CELF1: variants seen among roughly 807,000 people sequenced by gnomAD.
The protein encoded by CELF1 is 50 kDa nuclear polyadenylated RNA-binding protein.
Under a neutral mutation model 61.8 loss-of-function variants are expected in CELF1, and 10 were observed. That is an observed-to-expected ratio of 0.16 (90% CI 0.10 to 0.27). The LOEUF is 0.27. Ranked by LOEUF, CELF1 falls within the 10% of genes least tolerant of loss-of-function variation. CELF1 has a pLI of 1.00. For synonymous variants in CELF1, 236 were observed against 225.1 expected (o/e 1.05, Z -0.43); for missense variants, 380 against 639.1 (o/e 0.59, Z 4.37).
chr11:47,545,536 T>C (rs148429518), intron 1 of CELF1, among the ~76,000 whole-genome samples: 37 of 152,240 alleles, frequency 2.4e-4, no homozygotes, highest in African/African-American at 7.0e-4. Flanking sequence ...AAGAGGTTAA[T>C]AAGGAACATA....
intron 1 of CELF1, chr11:47,524,763 G>C (rs545696648): frequency 7.9e-5 from 12 of 152,340 alleles, no homozygotes; most frequent in African/African-American, 2.9e-4. Context: ...CGTGCTCAGA[G>C]AGGGAGGAGC....
rs570182226 is a variant in CELF1, at chr11:47,494,417, G to A, written c.71+5036C>T. ...AAAATTCAGGACAAGAGGTTACTTC[G>A]TCTACCTTGATTTCTGCTGAAACAT... On this transcript the variant is annotated intron_variant, in intron 3 of 14. Coordinates refer to ENST00000687097, the MANE Select transcript of CELF1 (RefSeq NM_001376376.1). 187 of 983,332 alleles carry A rather than the reference G, an allele frequency of 1.9e-4. No homozygotes were observed. In the African/African-American group the frequency reaches 2.9e-3, roughly 16 times the overall value. 60.9% of individuals were successfully genotyped at this position (983,332 alleles called of 1,614,324 possible).
At chr11:47,499,774 A>AT in intron 2 of CELF1, 170 bp from the exon 3 acceptor site, 2 of 477,162 alleles carry the variant, frequency 4.2e-6, no homozygotes, top group South Asian at 5.5e-5. Flanking sequence ...GAAAGTGCTG[A>AT]TGCGCCAGGC....
chr11:47,512,445 G>A (rs1333346178), intron 1 of CELF1, among the ~76,000 whole-genome samples: 2 of 130,810 alleles, frequency 1.5e-5, no homozygotes, highest in Non-Finnish European at 3.2e-5. Context: ...GAGCCACCGT[G>A]CCCAGAATTT....
At chr11:47,510,573 G>A (rs187123612) in intron 1 of CELF1, among the ~76,000 whole-genome samples, 2 of 152,084 alleles carry the variant, frequency 1.3e-5, no homozygotes, top group African/African-American at 2.4e-5. Flanking sequence ...TGCAACCTCC[G>A]CCTCCTGGGC....
At chr11:47,493,997 T>C (rs2092519824) in intron 3 of CELF1, among the ~76,000 whole-genome samples, 1 of 152,244 alleles carries the variant, frequency 6.6e-6, no homozygotes, top group Non-Finnish European at 1.5e-5. Flanking sequence ...ATTAAATACA[T>C]TCTCAAATTT....
intron 1 of CELF1, among the ~76,000 whole-genome samples, chr11:47,526,004 C>T (rs181503646): frequency 3.3e-5 from 5 of 151,940 alleles, no homozygotes; most frequent in African/African-American, 1.2e-4. Flanking sequence ...CCTAGACTTT[C>T]TTGCTTATCC....
At chr11:47,528,561 G>C (rs2096345606) in intron 1 of CELF1, among the ~76,000 whole-genome samples, 1 of 152,118 alleles carries the variant, frequency 6.6e-6, no homozygotes, top group Non-Finnish European at 1.5e-5. Context: ...TGAGGCTGCA[G>C]TGAGCTATGA....
chr11:47,473,282 G>A (rs766300064), intron 13 of CELF1, 51 bp from the exon 14 acceptor site: 35 of 1,547,922 alleles, frequency 2.3e-5, no homozygotes, highest in African/African-American at 4.1e-5. Flanking sequence ...CATGCTCGTC[G>A]CCCTGCACCA....
intron 10 of CELF1, chr11:47,477,800 A>C: frequency 5.3e-6 from 1 of 187,722 alleles, no homozygotes; most frequent in South Asian, 1.1e-4. Context: ...TTTACAGGGG[A>C]TTCGCTCTCT....
intron 1 of CELF1, among the ~76,000 whole-genome samples, chr11:47,519,479 C>CTAAATAAATAAATAAA (rs59610157): frequency 2.1e-4 from 31 of 144,928 alleles, no homozygotes; most frequent in Non-Finnish European, 4.4e-4. Flanking sequence ...GACTCCATCT[C>CTAAATAAATAAATAAA]TAAATAAATA....
At chr11:47,510,977 T>A (rs1334967765) in intron 1 of CELF1, among the ~76,000 whole-genome samples, 1 of 151,686 alleles carries the variant, frequency 6.6e-6, no homozygotes, top group African/African-American at 2.4e-5. Flanking sequence ...AGCCCACAAG[T>A]TTGAGACCAG....
chr11:47,533,538 C>T (rs929226411), intron 1 of CELF1, among the ~76,000 whole-genome samples: 1 of 152,194 alleles, frequency 6.6e-6, no homozygotes, highest in African/African-American at 2.4e-5. Flanking sequence ...AGGAGAACTG[C>T]TTAAACTCCG....
chr11:47,558,494 ATATAT>A (rs567019942), intron 2 of CELF1, among the ~76,000 whole-genome samples: 3,609 of 124,080 alleles, frequency 0.029, 191 homozygotes, highest in African/African-American at 0.11. Context: ...TATATATTTA[ATATAT>A]TATATTATAT....
At chr11:47,554,590 G>GCA (rs552129357), upstream of CELF1, among the ~76,000 whole-genome samples, 2,308 of 150,548 alleles carry the variant, frequency 0.015, 30 homozygotes, top group South Asian at 0.05. Flanking sequence ...CATGGCATGT[G>GCA]CACACACACA....
chr11:47,484,317 C>CAAAA, intron 7 of CELF1, 72 bp downstream of exon 7: 3 of 1,272,266 alleles, frequency 2.4e-6, no homozygotes, highest in Non-Finnish European at 3.2e-6. Flanking sequence ...ACCTTGTCTC[C>CAAAA]AAAAAAAAAA....
At chr11:47,562,988 C>T (rs1215525380) in intron 2 of CELF1, among the ~76,000 whole-genome samples, 2 of 152,046 alleles carry the variant, frequency 1.3e-5, no homozygotes, top group East Asian at 3.9e-4. Context: ...GCTGGGATTA[C>T]AGGTGTGAGC....
At chr11:47,503,561 T>C (rs1385554006) in intron 1 of CELF1, among the ~76,000 whole-genome samples, 1 of 152,190 alleles carries the variant, frequency 6.6e-6, no homozygotes, top group African/African-American at 2.4e-5. Flanking sequence ...TGCAAAAATC[T>C]AGGGAATGGT....
chr11:47,495,496 C>T (rs912904733), intron 3 of CELF1, among the ~76,000 whole-genome samples: 1 of 152,116 alleles, frequency 6.6e-6, no homozygotes, highest in African/African-American at 2.4e-5. Flanking sequence ...TTACACAACT[C>T]TGGAATATAC....
Sources: allele counts gnomAD v4.1 joint callset (sites outside exome capture counted in the v4.1 genomes callset), GRCh38; gene constraint gnomAD v4.1.1; transcripts MANE v1.5; gene names NCBI Gene and HGNC (gene_info 2026-07-23, HGNC 2026-07-21).